Variants in SFI1 observed in about 807,000 individuals in gnomAD.
SFI1 encodes protein SFI1 homolog.
Under a neutral mutation model 207.5 loss-of-function variants are expected in SFI1, and 195 were observed. The observed-to-expected ratio is 0.94, with a 90% CI of 0.84 to 1.06. The LOEUF (loss-of-function observed/expected upper bound fraction) is 1.06, where lower values mean the gene tolerates loss of function less well. SFI1 is among the 50% of genes least tolerant of loss of function. The probability of loss-of-function intolerance (pLI) is 0.00; values close to 1 mark genes in which losing one functional copy is unlikely to be tolerated. For synonymous variants in SFI1, 630 were observed against 598.9 expected (o/e 1.05, Z -0.76); for missense variants, 1,634 against 1,588.0 (o/e 1.03, Z -0.49).
intron 27 of SFI1, chr22:31,614,215 C>T (rs2070942365): frequency 2.9e-6 from 1 of 343,538 alleles, no homozygotes; most frequent in Admixed American, 4.2e-5. Flanking sequence ...GCCTGCCGGC[C>T]TCTCTTCTGC....
At chr22:31,504,049 A>T (rs945074329) in intron 1 of SFI1, among the ~76,000 whole-genome samples, 3 of 152,174 alleles carry the variant, frequency 2.0e-5, no homozygotes, top group African/African-American at 7.2e-5. Flanking sequence ...GGCTGGAGAT[A>T]GAATGGAGAG....
chr22:31,575,351 G>A lies in SFI1; in HGVS notation c.1043G>A (p.Arg348Lys). 6.2e-7 allele frequency: 1 copy of A among 1,612,542 alleles called. No homozygotes were observed. The highest frequency in any genetic ancestry group is 8.5e-7 in the Non-Finnish European group (1 of 1,179,482). Reference sequence around the variant, plus strand: ...CATGCCCAGGTGGAGAAACTGGCCAGGAAGATGGCCCTGCGGCGCGCCTTT... The same window carrying A: ...CATGCCCAGGTGGAGAAACTGGCCAAGAAGATGGCCCTGCGGCGCGCCTTT... The part of the protein sequence containing the change: ...AHHAQVEKLA[R>K]KMALRRAFTH... The change falls in exon 10 of 33, where the codon AGG becomes AAG. Residue 348 changes from arginine to lysine, a missense_variant. Transcript: ENST00000400288.
At chr22:31,508,432 T>C in intron 2 of SFI1, 56 bp downstream of exon 2, 1 of 1,278,446 alleles carries the variant, frequency 7.8e-7, no homozygotes. Context: ...CATATAAAAC[T>C]AAACATTTTG....
chr22:31,573,411 TA>T (rs570829535), intron 9 of SFI1, among the ~76,000 whole-genome samples, 197 bp downstream of exon 9: 41 of 152,250 alleles, frequency 2.7e-4, no homozygotes, highest in Non-Finnish European at 4.7e-4. Flanking sequence ...TATCTGTATC[TA>T]TATCTATCTA....
chr22:31,560,180 T>G (rs1180828861), intron 7 of SFI1, among the ~76,000 whole-genome samples: 5 of 151,862 alleles, frequency 3.3e-5, no homozygotes, highest in Non-Finnish European at 7.4e-5. Context: ...CCAGGAAAAG[T>G]GAGTGTTTCT....
Position 31,593,337 on chromosome 22 carries a change from G to A in SFI1, c.1544+3760G>A, listed in dbSNP as rs1376105444. On this transcript the variant is annotated intron_variant, in intron 15 of 32. Coordinates refer to ENST00000400288, the MANE Select transcript of SFI1 (RefSeq NM_001007467.3). ...CAGACGGGGTCTCGGCCGGGCAGAG[G>A]CGCTCCTCACATCCCAGATGGGACG... Among the ~76,000 whole-genome samples the A allele has an allele frequency of 9.4e-5, 13 of 137,868 alleles. No homozygotes were observed. In the South Asian group the frequency reaches 3.0e-3, roughly 31 times the overall value. 90.4% of individuals were successfully genotyped at this position (137,868 alleles called of 152,430 possible).
intron 12 of SFI1, among the ~76,000 whole-genome samples, chr22:31,583,393 G>T (rs1436805355): frequency 1.3e-5 from 2 of 152,208 alleles, no homozygotes; most frequent in Non-Finnish European, 2.9e-5. Flanking sequence ...GGGATTACAG[G>T]TGTGAGCTAC....
rs1603315831 is a variant in SFI1, at chr22:31,603,837, G to T, written c.1881+18G>T. Reference sequence around the variant, plus strand: ...GGAGGGAGGTAAGGCTTTGGTGCGAGGTGCCACCCGTGTATGACTTTTGGA... The same window carrying T: ...GGAGGGAGGTAAGGCTTTGGTGCGATGTGCCACCCGTGTATGACTTTTGGA... On this transcript the variant is annotated intron_variant, in intron 18 of 32. Coordinates refer to ENST00000400288, the MANE Select transcript of SFI1 (RefSeq NM_001007467.3). 6.4e-7 allele frequency: 1 copy of T among 1,574,026 alleles called. No homozygotes were observed. The highest frequency in any genetic ancestry group is 2.4e-5 in the East Asian group (1 of 41,562).
intron 1 of SFI1, among the ~76,000 whole-genome samples, chr22:31,499,936 A>G (rs1018129422): frequency 8.3e-5 from 12 of 143,964 alleles, no homozygotes; most frequent in Admixed American, 5.0e-4. Context: ...TGCAGTGAGC[A>G]TTGCAACCAC....
At chr22:31,611,985 C>T in intron 24 of SFI1, 145 bp downstream of exon 24, 1 of 1,434,956 alleles carries the variant, frequency 7.0e-7, no homozygotes, top group Non-Finnish European at 9.2e-7. Context: ...CTACCACCTT[C>T]CTGTCATTTC....
At chr22:31,500,292 A>T (rs945850007) in intron 1 of SFI1, among the ~76,000 whole-genome samples, 20 of 151,516 alleles carry the variant, frequency 1.3e-4, no homozygotes, top group Admixed American at 1.1e-3. Flanking sequence ...AAAAAAAAAA[A>T]AAAAGAAAAA....
At chr22:31,614,033 G>A (rs952416665) in intron 27 of SFI1, 178 bp downstream of exon 27, 2 of 814,824 alleles carry the variant, frequency 2.5e-6, no homozygotes, top group African/African-American at 3.4e-5. Flanking sequence ...CGGCAAGAGG[G>A]AGAGAATGGA....
intron 15 of SFI1, among the ~76,000 whole-genome samples, chr22:31,601,817 G>A (rs2068143145): frequency 6.6e-6 from 1 of 151,382 alleles, no homozygotes; most frequent in African/African-American, 2.4e-5. Context: ...TTCAGAGACG[G>A]GGTCTCACTC....
intron 15 of SFI1, among the ~76,000 whole-genome samples, chr22:31,596,517 G>A (rs554374498): frequency 2.7e-4 from 41 of 151,998 alleles, no homozygotes; most frequent in Middle Eastern, 3.4e-3. Flanking sequence ...CAGGCTGGAC[G>A]CGGTGGCTCA....
chr22:31,615,678 A>C, intron 29 of SFI1: 1 of 172,756 alleles, frequency 5.8e-6, no homozygotes, highest in Non-Finnish European at 1.2e-5. Flanking sequence ...CACCATGACC[A>C]CGTGGTCCAG....
rs1250519861 is a variant in SFI1, at chr22:31,592,718, T to C, written c.1544+3141T>C. On this transcript the variant is annotated intron_variant, in intron 15 of 32. Transcript: ENST00000400288. ...CCTCCCTCCCGGATGGGGCGGCTGG[T>C]TGGGCAGAGGGGCTCCTCACTTCCC... Among the ~76,000 whole-genome samples the C allele has an allele frequency of 2.8e-3, 138 of 49,702 alleles. 1 individual carries two copies. The highest frequency in any genetic ancestry group is 4.1e-3 in the African/African-American group (41 of 9,994). 32.6% of individuals were successfully genotyped at this position (49,702 alleles called of 152,430 possible).
intron 2 of SFI1, among the ~76,000 whole-genome samples, chr22:31,524,518 G>A (rs1472037825): frequency 6.6e-6 from 1 of 151,562 alleles, no homozygotes; most frequent in Non-Finnish European, 1.5e-5. Context: ...TGCCTCCCAG[G>A]CTCAAGCTAT....
At chr22:31,497,993 T>C (rs1267328742) in intron 1 of SFI1, among the ~76,000 whole-genome samples, 1 of 152,234 alleles carries the variant, frequency 6.6e-6, no homozygotes, top group Non-Finnish European at 1.5e-5. Flanking sequence ...CAAGTCATTA[T>C]TTAAGAAATA....
intron 12 of SFI1, among the ~76,000 whole-genome samples, chr22:31,580,853 G>T (rs62237798): frequency 0.045 from 6,900 of 151,712 alleles, 136 homozygotes; most frequent in African/African-American, 0.053. Context: ...TTTTTAGTTT[G>T]CATTTTCTTT....
Sources: gnomAD v4.1 joint callset for allele counts (sites outside exome capture counted in the v4.1 genomes callset) on GRCh38, gnomAD v4.1.1 for gene constraint, MANE v1.5 for transcripts, NCBI Gene and HGNC (gene_info 2026-07-23, HGNC 2026-07-21) for gene names.